The following IZUMO1 variants were observed in gnomAD, a reference collection of about 807,000 sequenced individuals.
The protein encoded by IZUMO1 is izumo sperm-oocyte fusion 1.
Under a neutral mutation model 40.7 loss-of-function variants are expected in IZUMO1, and 44 were observed. The ratio of observed to expected loss-of-function variants is 1.08; its 90% CI spans 0.85 to 1.39. The LOEUF is 1.39. IZUMO1 is among the 40% of genes most tolerant of loss of function. IZUMO1 has a pLI of 0.00. For missense variants in IZUMO1, 368 were observed against 436.9 expected (o/e 0.84, Z 1.41); for synonymous variants, 149 against 170.9 (o/e 0.87, Z 1.00).
At position 48,741,636 on chromosome 19, in the gene IZUMO1, G is replaced by A. The variant is rs775967299; in HGVS notation, c.754+153C>T. 119 of 1,257,620 alleles carry A rather than the reference G, an allele frequency of 9.5e-5. No individual in the cohort carries two copies. The highest frequency in any genetic ancestry group is 1.3e-4 in the Non-Finnish European group (116 of 923,740). The allele number at this position is 1,257,620 out of a possible 1,614,324, so 77.9% of individuals were successfully genotyped here. ...AAGGGAACCCCTGTCCTCGGGGCCA[G>A]AGGCCACGCCCCCGGCAGGAAGCCA... On this transcript the variant is annotated intron_variant, in intron 8 of 9. Transcript: ENST00000332955. This position sits in a 1 kb window ranked among gnomAD's most constrained non-coding sequence, Gnocchi z 4.4.
chr19:48,746,072 G>A (rs1394102343), intron 1 of IZUMO1, 140 bp from the exon 2 acceptor site: 9 of 1,409,098 alleles, frequency 6.4e-6, no homozygotes, highest in South Asian at 6.3e-5. Flanking sequence ...TGCCTCCGAA[G>A]TGTGAAACTG....
rs1371038883 is a variant in IZUMO1, at chr19:48,744,498, G to C, written c.352C>G (p.Gln118Glu). 4 of 1,613,896 alleles carry C rather than the reference G, an allele frequency of 2.5e-6. No individual in the cohort carries two copies. The African/African-American group carries it at 5.3e-5, about 22-fold the overall frequency. The change falls in exon 4 of 10, where the codon CAA (glutamine) becomes GAA (glutamate). Residue 118 changes from glutamine (Q) to glutamate (E), a missense_variant. Coordinates refer to ENST00000332955, the MANE Select transcript of IZUMO1 (RefSeq NM_182575.3). ...VKELFWMLHL[Q>E]KETFATYVAR... ...ACATAGGTGGCAAAGGTTTCCTTTT[G>C]CAAGTGCAACATCCAAAATAGCTCC...
At position 48,746,530 on chromosome 19, in the gene IZUMO1, A is replaced by G. The variant is rs189105725; in HGVS notation, c.-169T>C. On this transcript the variant is annotated 5_prime_UTR_variant, in exon 1 of 10. An upstream open reading frame in the 5' UTR loses its in-frame stop. Coordinates refer to ENST00000332955, the MANE Select transcript of IZUMO1 (RefSeq NM_182575.3). ...CCCTTGTTCACCCTTCCCCAAAACT[A>G]ACGGGCTCCCAATTTGCAGGGCGCA... 1.6e-5 allele frequency: 16 copies of G among 986,092 alleles called. No individual in the cohort carries two copies. The highest frequency in any genetic ancestry group is 1.8e-5 in the Non-Finnish European group (15 of 830,422). The allele number at this position is 986,092 out of a possible 1,614,324, so 61.1% of individuals were successfully genotyped here.
chr19:48,743,682 A>G, intron 5 of IZUMO1, 157 bp from the exon 6 acceptor site: 1 of 645,814 alleles, frequency 1.5e-6, no homozygotes, highest in Non-Finnish European at 2.8e-6. Flanking sequence ...AGTGGGCTCC[A>G]ACAAGGCTCA....
In IZUMO1 at chr19:48,741,348, C is replaced by G. The variant is rs778952244; in HGVS notation, c.885G>C (p.Gly295=). 38 of 1,611,510 alleles carry G rather than the reference C, an allele frequency of 2.4e-5. No homozygotes were observed. The highest frequency in any genetic ancestry group is 3.3e-5 in the Admixed American group (2 of 59,992). ...PEKMLASRLL[G]LLICGSLALI... ...GTGCTAGGGAGCCGCAGATCAGCAG[C>G]CCCAGAAGGCGGCTTGCCAGCATTT... The change falls in exon 9 of 10, where the codon GGG becomes GGC. Residue 295 remains glycine, a synonymous_variant. Transcript: ENST00000332955. The surrounding 1 kb of genome is among the most constrained non-coding windows in gnomAD (Gnocchi z 4.4).
chr19:48,745,154 G>A, intron 3 of IZUMO1, 60 bp downstream of exon 3: 2 of 1,363,232 alleles, frequency 1.5e-6, no homozygotes, highest in South Asian at 1.2e-5. Context: ...AAGAGACCAG[G>A]CATCACTAAC....
In IZUMO1 at chr19:48,744,175, C is replaced by A; in HGVS notation, c.418G>T (p.Gly140Cys). 6.2e-7 allele frequency: 1 copy of A among 1,613,306 alleles called. No individual in the cohort carries two copies. The highest frequency in any genetic ancestry group is 8.5e-7 in the Non-Finnish European group (1 of 1,179,380). ...QKEAYCPNKCGVMLQTLIWCK... is the reference protein window; with the variant it reads ...QKEAYCPNKCCVMLQTLIWCK... ...GTTAACTTCTGTAATCCAGACTCAC[C>A]ACATTTGTTGGGACAATAAGCTGTG... Residue 140 changes from glycine (G) to cysteine (C), a missense_variant and splice_region_variant, in exon 5 of 10, where the codon GGT (glycine) becomes TGT (cysteine). Gly to Cys is a radical substitution (Grantham distance 159). Transcript: ENST00000332955.
At chr19:48,742,431 T>C in intron 6 of IZUMO1, 122 bp from the exon 7 acceptor site, 1 of 697,150 alleles carries the variant, frequency 1.4e-6, no homozygotes, top group Non-Finnish European at 2.6e-6. Context: ...CACTGCAACC[T>C]CCGCTTCCTG....
Position 48,744,542 on chromosome 19 carries a change from G to T in IZUMO1, c.311-3C>A. 6.2e-7 allele frequency: 1 copy of T among 1,609,556 alleles called. No individual in the cohort carries two copies. The highest frequency in any genetic ancestry group is 8.5e-7 in the Non-Finnish European group (1 of 1,175,938). On this transcript the variant is annotated splice_polypyrimidine_tract_variant and splice_region_variant and intron_variant, in intron 3 of 9. Transcript: ENST00000332955. ...TAGCTCCTTCACGAAGAGATCGCCT[G>T]GGAAGACACAGGAACCCCCAATCCC...
Position 48,741,171 on chromosome 19 carries a change from C to G in IZUMO1, c.932+130G>C. 1 of 1,440,036 alleles carries G rather than the reference C, an allele frequency of 6.9e-7. No individual in the cohort carries two copies. Among genetic ancestry groups the G allele is most frequent in the South Asian group, 1.3e-5 (1 of 75,954 alleles). The allele number at this position is 1,440,036 out of a possible 1,614,324, so 89.2% of individuals were successfully genotyped here. A position where few individuals can be genotyped will look rare whatever the true frequency, so the allele number is the denominator to read the frequency against. On this transcript the variant is annotated intron_variant, in intron 9 of 9. Transcript: ENST00000332955. The surrounding 1 kb of genome is among the most constrained non-coding windows in gnomAD (Gnocchi z 4.4). ...CTTCGAAGTCCTCCTATTCAAGCCCCCCGCACTCCATCCCCAGGAAAGTCC... is the reference window on the plus strand; with the variant it reads ...CTTCGAAGTCCTCCTATTCAAGCCCGCCGCACTCCATCCCCAGGAAAGTCC...
chr19:48,742,089 A>C, intron 7 of IZUMO1, 120 bp downstream of exon 7: 1 of 1,491,340 alleles, frequency 6.7e-7, no homozygotes, highest in Non-Finnish European at 9.2e-7. Flanking sequence ...AGGTCTGTAG[A>C]GACCACACCT....
Position 48,741,122 on chromosome 19 carries a change from T to A in IZUMO1, c.933-94A>T. ...CCAACCTCCCCCTTTGTGACCTTAT[T>A]CTAGCAATTACCTAAGCCTCGCCCT... On this transcript the variant is annotated intron_variant, in intron 9 of 9. Coordinates refer to ENST00000332955, the MANE Select transcript of IZUMO1 (RefSeq NM_182575.3). This position sits in a 1 kb window ranked among gnomAD's most constrained non-coding sequence, Gnocchi z 4.4. 3 of 1,562,950 alleles carry A rather than the reference T, an allele frequency of 1.9e-6. No individual in the cohort carries two copies. Among genetic ancestry groups the A allele is most frequent in the Non-Finnish European group, 2.6e-6 (3 of 1,145,022 alleles).
chr19:48,741,559 G>C lies in IZUMO1; in HGVS notation c.755-81C>G. 6.9e-7 allele frequency: 1 copy of C among 1,454,308 alleles called. No individual in the cohort carries two copies. Among genetic ancestry groups the C allele is most frequent in the Non-Finnish European group, 9.4e-7 (1 of 1,062,670 alleles). The allele number at this position is 1,454,308 out of a possible 1,614,324, so 90.1% of individuals were successfully genotyped here. ...CAAAGACAAGCCCGTCCCAGTAGCC[G>C]GCCATCCCAGAGATAATCACGCCTT... On this transcript the variant is annotated intron_variant, in intron 8 of 9. Transcript: ENST00000332955. This position sits in a 1 kb window ranked among gnomAD's most constrained non-coding sequence, Gnocchi z 4.4.
In IZUMO1 at chr19:48,741,560, G is replaced by T; in HGVS notation, c.755-82C>A. 1 of 1,453,448 alleles carries T rather than the reference G, an allele frequency of 6.9e-7. No homozygotes were observed. Among genetic ancestry groups the T allele is most frequent in the Non-Finnish European group, 9.4e-7 (1 of 1,062,028 alleles). 90.0% of individuals were successfully genotyped at this position (1,453,448 alleles called of 1,614,324 possible). ...AAAGACAAGCCCGTCCCAGTAGCCGGCCATCCCAGAGATAATCACGCCTTC... is the reference window on the plus strand; with the variant it reads ...AAAGACAAGCCCGTCCCAGTAGCCGTCCATCCCAGAGATAATCACGCCTTC... On this transcript the variant is annotated intron_variant, in intron 8 of 9. Coordinates refer to ENST00000332955, the MANE Select transcript of IZUMO1 (RefSeq NM_182575.3). The surrounding 1 kb of genome is among the most constrained non-coding windows in gnomAD (Gnocchi z 4.4).
In IZUMO1 at chr19:48,745,736, GC is replaced by G; in HGVS notation, c.123del (p.Pro42LeufsTer12). 1 of 1,614,198 alleles carries G rather than the reference GC, an allele frequency of 6.2e-7. No homozygotes were observed. Among genetic ancestry groups the G allele is most frequent in the Non-Finnish European group, 8.5e-7 (1 of 1,180,056 alleles). The stretch of plus-strand genomic sequence containing the variant: ...TGATGCTTCGCATCCAGGTGGCCAG[GC>G]AGGTAATCTTTCTCCAGGGACTTTA... ...LALKSLEKDYLPGHLDAKHHK... is the reference protein window; with the variant it reads ...LALKSLEKDYXPGHLDAKHHK... On this transcript the variant is annotated frameshift_variant, in exon 2 of 10. Coordinates refer to ENST00000332955, the MANE Select transcript of IZUMO1 (RefSeq NM_182575.3). LOFTEE classifies it high-confidence loss of function.
At chr19:48,742,126 A>C in intron 7 of IZUMO1, 83 bp downstream of exon 7, 2 of 1,492,100 alleles carry the variant, frequency 1.3e-6, no homozygotes, top group Non-Finnish European at 1.9e-6. Flanking sequence ...GGGTCATGAG[A>C]ATCGTGGGTG....
Position 48,741,071 on chromosome 19 carries a change from T to A in IZUMO1, c.933-43A>T. The A allele has an allele frequency of 1.9e-6, 3 of 1,610,652 alleles. No individual in the cohort carries two copies. The highest frequency in any genetic ancestry group is 2.5e-6 in the Non-Finnish European group (3 of 1,178,352). Reference sequence around the variant, plus strand: ...GTGCAGATCATGGAACCGGTTTGGGTACTAATTGTGTGGGGGACACCCCTC... The same window carrying A: ...GTGCAGATCATGGAACCGGTTTGGGAACTAATTGTGTGGGGGACACCCCTC... On this transcript the variant is annotated intron_variant, in intron 9 of 9. Transcript: ENST00000332955. This position sits in a 1 kb window ranked among gnomAD's most constrained non-coding sequence, Gnocchi z 4.4.
Position 48,744,405 on chromosome 19 carries a change from G to T in IZUMO1, c.397+48C>A, listed in dbSNP as rs367868791. 3.7e-4 allele frequency: 540 copies of T among 1,446,798 alleles called. 1 individual carries two copies. Among genetic ancestry groups the T allele is most frequent in the Non-Finnish European group, 5.0e-4 (519 of 1,028,068 alleles). 89.6% of individuals were successfully genotyped at this position (1,446,798 alleles called of 1,614,324 possible). ...AAGGGGCTGGAGACAAGGACTCTTGGATAGTGGAAAGAGGAGCTGGGGGAC... is the reference window on the plus strand; with the variant it reads ...AAGGGGCTGGAGACAAGGACTCTTGTATAGTGGAAAGAGGAGCTGGGGGAC... On this transcript the variant is annotated intron_variant, in intron 4 of 9. Coordinates refer to ENST00000332955, the MANE Select transcript of IZUMO1 (RefSeq NM_182575.3).
Position 48,742,616 on chromosome 19 carries a change from G to T in IZUMO1, c.500-307C>A, listed in dbSNP as rs2033743498. Among the ~76,000 whole-genome samples, 3 of 151,924 alleles carry T rather than the reference G, an allele frequency of 2.0e-5. No individual in the cohort carries two copies. In the South Asian group the frequency reaches 6.2e-4, roughly 32 times the overall value. On this transcript the variant is annotated intron_variant, in intron 6 of 9. Transcript: ENST00000332955. ...GCCTGCCTCAGCATCCCAAAGTGCT[G>T]CGATTACAGGCATGAGGCACTGCGC... is the stretch of plus-strand genomic sequence containing the variant.
Sources: allele counts gnomAD v4.1 joint callset (sites outside exome capture counted in the v4.1 genomes callset), GRCh38; gene constraint gnomAD v4.1.1; non-coding constraint Gnocchi (gnomAD v3.1); transcripts MANE v1.5; gene names NCBI Gene and HGNC (gene_info 2026-07-23, HGNC 2026-07-21).